HS3ST4: variants seen among roughly 807,000 people sequenced by gnomAD.
HS3ST4 encodes heparan sulfate glucosamine 3-O-sulfotransferase 4.
HS3ST4 carries 17 observed loss-of-function variants against 29.2 expected under a neutral mutation model. The observed-to-expected ratio is 0.58, with a 90% confidence interval of 0.40 to 0.87. The LOEUF is 0.87. HS3ST4 is among the 40% of genes least tolerant of loss of function. The pLI, the probability that HS3ST4 is intolerant of heterozygous loss-of-function variation, is 0.00. For missense variants in HS3ST4, 627 were observed against 634.5 expected (o/e 0.99, Z 0.13); for synonymous variants, 314 against 285.7 (o/e 1.10, Z -1.00).
chr16:26,033,508 C>A (rs1969551983), intron 1 of HS3ST4, among the ~76,000 whole-genome samples: 1 of 124,380 alleles, frequency 8.0e-6, no homozygotes, highest in South Asian at 3.3e-4. Flanking sequence ...GTGTGAGACT[C>A]TGTCTCAAAA....
chr16:25,766,422 TG>T (rs1490111902), intron 1 of HS3ST4, among the ~76,000 whole-genome samples: 1 of 152,174 alleles, frequency 6.6e-6, no homozygotes, highest in East Asian at 1.9e-4. Context: ...CAAAAGAGCT[TG>T]GTAGACTATG....
chr16:25,847,469 A>G (rs897656363), intron 1 of HS3ST4, among the ~76,000 whole-genome samples: 1 of 152,050 alleles, frequency 6.6e-6, no homozygotes, highest in Admixed American at 6.5e-5. Context: ...TTACAATTTA[A>G]CTCCCTTCAG....
intron 1 of HS3ST4, among the ~76,000 whole-genome samples, chr16:25,967,534 A>G (rs1432411506): frequency 6.6e-6 from 1 of 152,220 alleles, no homozygotes; most frequent in Admixed American, 6.5e-5. Flanking sequence ...AAAAATTAGG[A>G]TCTGCGAAAA....
intron 1 of HS3ST4, among the ~76,000 whole-genome samples, chr16:26,085,213 T>A (rs967246793): frequency 1.9e-4 from 29 of 152,200 alleles, no homozygotes; most frequent in African/African-American, 6.8e-4. Context: ...AGCAACTCTG[T>A]AATTTTGGTC....
intron 1 of HS3ST4, among the ~76,000 whole-genome samples, chr16:25,793,298 C>T (rs549736190): frequency 6.6e-6 from 1 of 151,892 alleles, no homozygotes; most frequent in Non-Finnish European, 1.5e-5. Flanking sequence ...AGATAAACAT[C>T]GTTAATCTTA....
At chr16:25,944,739 C>T (rs1280202237) in intron 1 of HS3ST4, among the ~76,000 whole-genome samples, 3 of 152,160 alleles carry the variant, frequency 2.0e-5, no homozygotes, top group Non-Finnish European at 4.4e-5. Flanking sequence ...CTCTAACTGC[C>T]TCCTCTTTCA....
At chr16:25,881,050 A>G (rs188633415) in intron 1 of HS3ST4, among the ~76,000 whole-genome samples, 2 of 152,330 alleles carry the variant, frequency 1.3e-5, no homozygotes, top group African/African-American at 2.4e-5. Context: ...CTCCATGAGC[A>G]GGAGTAAAAC....
intron 1 of HS3ST4, among the ~76,000 whole-genome samples, chr16:26,123,302 A>G (rs1013610539): frequency 3.9e-5 from 6 of 152,212 alleles, no homozygotes; most frequent in Non-Finnish European, 5.9e-5. Flanking sequence ...CAAAGCAAGT[A>G]TGGTTCAGAG....
intron 1 of HS3ST4, among the ~76,000 whole-genome samples, chr16:26,053,485 G>C (rs1307830639): frequency 6.6e-6 from 1 of 152,174 alleles, no homozygotes; most frequent in African/African-American, 2.4e-5. Flanking sequence ...CATCCTGATG[G>C]AGAATTTCAG....
intron 1 of HS3ST4, among the ~76,000 whole-genome samples, chr16:25,798,009 G>T (rs149904955): frequency 6.6e-6 from 1 of 152,302 alleles, no homozygotes. Flanking sequence ...GATTTTTGAT[G>T]TAAGTATGTG....
chr16:26,010,466 A>G (rs1482037699), intron 1 of HS3ST4, among the ~76,000 whole-genome samples: 2 of 150,780 alleles, frequency 1.3e-5, no homozygotes, highest in Admixed American at 1.3e-4. Context: ...AAAAAGAAAA[A>G]AAAGGAAAAA....
intron 1 of HS3ST4, among the ~76,000 whole-genome samples, chr16:25,941,677 C>T (rs1191028592): frequency 6.6e-6 from 1 of 151,788 alleles, no homozygotes; most frequent in African/African-American, 2.4e-5. Flanking sequence ...CCGGGGTTTA[C>T]GCCATTCTCC....
At chr16:25,729,434 T>A (rs1023562919) in intron 1 of HS3ST4, among the ~76,000 whole-genome samples, 5 of 152,170 alleles carry the variant, frequency 3.3e-5, no homozygotes, top group Non-Finnish European at 7.3e-5. Flanking sequence ...TGGAGTAGAT[T>A]CAGGTTCCAT....
intron 1 of HS3ST4, among the ~76,000 whole-genome samples, chr16:25,997,118 A>G (rs1441636551): frequency 3.9e-5 from 6 of 152,222 alleles, no homozygotes; most frequent in Non-Finnish European, 8.8e-5. Flanking sequence ...ATGGGTTTTA[A>G]CTGGAGCCTC....
At chr16:25,766,755 A>G (rs1395419465) in intron 1 of HS3ST4, among the ~76,000 whole-genome samples, 1 of 152,206 alleles carries the variant, frequency 6.6e-6, no homozygotes, top group Non-Finnish European at 1.5e-5. Context: ...ATACAAGCAA[A>G]ATCACTGCAG....
chr16:25,771,588 G>A (rs1232568001), intron 1 of HS3ST4, among the ~76,000 whole-genome samples: 1 of 151,956 alleles, frequency 6.6e-6, no homozygotes, highest in Non-Finnish European at 1.5e-5. Context: ...GGAAAGAACG[G>A]GTTGCTTTTT....
intron 1 of HS3ST4, among the ~76,000 whole-genome samples, chr16:26,018,623 T>TGACA (rs1245541756): frequency 1.3e-5 from 2 of 152,074 alleles, no homozygotes; most frequent in African/African-American, 4.8e-5. Context: ...AGTCAAATAT[T>TGACA]GACAAAGTCA....
At chr16:25,829,964 C>G (rs1390008385) in intron 1 of HS3ST4, among the ~76,000 whole-genome samples, 1 of 152,120 alleles carries the variant, frequency 6.6e-6, no homozygotes, top group African/African-American at 2.4e-5. Flanking sequence ...GCTGGGGCTA[C>G]AGGCACACAC....
intron 1 of HS3ST4, among the ~76,000 whole-genome samples, chr16:25,795,733 A>T (rs1209811981): frequency 6.6e-6 from 1 of 152,146 alleles, no homozygotes; most frequent in East Asian, 1.9e-4. Context: ...CAGCAGGGGA[A>T]CAGGCATCTC....
Sources: gnomAD v4.1 joint callset for allele counts (sites outside exome capture counted in the v4.1 genomes callset) on GRCh38, gnomAD v4.1.1 for gene constraint, MANE v1.5 for transcripts, NCBI Gene and HGNC (gene_info 2026-07-23, HGNC 2026-07-21) for gene names.